The following WTAP variants were observed in gnomAD, a reference collection of about 807,000 sequenced individuals.
The protein encoded by WTAP is pre-mRNA-splicing regulator WTAP.
In WTAP, 8 loss-of-function variants were observed where a neutral mutation model predicts 50.0. The observed-to-expected ratio is 0.16, with a 90% CI of 0.09 to 0.29. The LOEUF (loss-of-function observed/expected upper bound fraction) is 0.29. WTAP is among the 10% of genes least tolerant of loss of function. The probability of loss-of-function intolerance (pLI) is 1.00; values close to 1 mark genes in which losing one functional copy is unlikely to be tolerated. For missense variants in WTAP, 295 were observed against 470.7 expected (o/e 0.63, Z 3.45); for synonymous variants, 194 against 169.0 (o/e 1.15, Z -1.15).
upstream of WTAP, chr6:159,726,693 C>G: frequency 8.8e-7 from 1 of 1,142,122 alleles, no homozygotes; most frequent in Non-Finnish European, 1.1e-6. Context: ...GCAAGGGGCC[C>G]TCAACGCCGC....
intron 6 of WTAP, among the ~76,000 whole-genome samples, chr6:159,750,445 A>C (rs1399010992): frequency 6.6e-6 from 1 of 152,224 alleles, no homozygotes; most frequent in Non-Finnish European, 1.5e-5. Flanking sequence ...GGGGAGATGA[A>C]AAGTGAGTGT....
At position 159,755,765 on chromosome 6, in the gene WTAP, C is replaced by CTT; in HGVS notation, c.*178_*179dup. 0.032 allele frequency: 5,510 copies of CTT among 172,506 alleles called. 44 individuals are homozygous for CTT. The highest frequency in any genetic ancestry group is 0.034 in the Non-Finnish European group (4,836 of 141,088). The allele number at this position is 172,506 out of a possible 1,614,324, so 10.7% of individuals were successfully genotyped here. On this transcript the variant is annotated 3_prime_UTR_variant, in exon 8 of 8. Coordinates refer to ENST00000621533, the MANE Select transcript of WTAP (RefSeq NM_001270531.2). ...TTTTTCTTTGTTTTTTTTTTCTTTT[C>CTT]TTTTTTTTTTTTTTTTTTTTTTTTT...
chr6:159,743,521 G>A (rs1282391069), intron 4 of WTAP, 144 bp from the exon 5 acceptor site: 1 of 711,354 alleles, frequency 1.4e-6, no homozygotes, highest in Non-Finnish European at 2.2e-6. Context: ...TCGTGACCAG[G>A]AAGAAATTCG....
upstream of WTAP, chr6:159,727,039 G>A (rs1039169975): frequency 8.2e-7 from 1 of 1,226,490 alleles, no homozygotes; most frequent in African/African-American, 1.6e-5. Flanking sequence ...AGGTGGCCCC[G>A]GCGAGTACTT....
Position 159,755,636 on chromosome 6 carries a change from AGT to A in WTAP, c.*28_*29del. The A allele has an allele frequency of 6.5e-7, 1 of 1,549,040 alleles. No individual in the cohort carries two copies. Among genetic ancestry groups the A allele is most frequent in the Non-Finnish European group, 8.7e-7 (1 of 1,149,894 alleles). ...ATATTTTTTCAGCAAATTTTTATAC[AGT>A]GTCATTTAATTTGGGAGAGGATACT... On this transcript the variant is annotated 3_prime_UTR_variant, in exon 8 of 8. Coordinates refer to ENST00000621533, the MANE Select transcript of WTAP (RefSeq NM_001270531.2).
chr6:159,739,824 C>CTTTTTTTTTT (rs56389349), intron 3 of WTAP, among the ~76,000 whole-genome samples: 8 of 85,188 alleles, frequency 9.4e-5, no homozygotes, highest in Non-Finnish European at 1.7e-4. Flanking sequence ...CACTTTTTAC[C>CTTTTTTTTTT]TTTTTTTTTT....
intron 1 of WTAP, among the ~76,000 whole-genome samples, chr6:159,728,805 T>C (rs774546890): frequency 4.3e-4 from 65 of 152,230 alleles, no homozygotes; most frequent in Non-Finnish European, 8.8e-4. Context: ...GTAGGTGTGT[T>C]TCTTACAGTG....
At chr6:159,729,750 C>G (rs1449781957) in intron 1 of WTAP, among the ~76,000 whole-genome samples, 1 of 152,192 alleles carries the variant, frequency 6.6e-6, no homozygotes, top group East Asian at 1.9e-4. Flanking sequence ...TCATCAGTAC[C>G]TTGCTACTAC....
At chr6:159,738,934 T>C in intron 2 of WTAP, 56 bp from the exon 3 acceptor site, 2 of 1,350,694 alleles carry the variant, frequency 1.5e-6, no homozygotes, top group Non-Finnish European at 2.1e-6. Context: ...GGTCTCATTA[T>C]AGAACTTTGT....
intron 1 of WTAP, among the ~76,000 whole-genome samples, chr6:159,732,886 AGTGT>A (rs67554039): frequency 7.5e-4 from 110 of 146,488 alleles, no homozygotes; most frequent in African/African-American, 2.1e-3. Flanking sequence ...ATATATATAT[AGTGT>A]GTGTGTGTGT....
chr6:159,729,114 T>C (rs1207006892), intron 1 of WTAP, among the ~76,000 whole-genome samples: 1 of 152,200 alleles, frequency 6.6e-6, no homozygotes, highest in African/African-American at 2.4e-5. Flanking sequence ...GAGATGAGCA[T>C]TGTCACAATT....
At chr6:159,746,390 C>T (rs999227705) in intron 5 of WTAP, among the ~76,000 whole-genome samples, 22 of 152,152 alleles carry the variant, frequency 1.4e-4, no homozygotes, top group African/African-American at 5.1e-4. Flanking sequence ...GGTACCTGTC[C>T]TTTAAAACAG....
intron 6 of WTAP, among the ~76,000 whole-genome samples, chr6:159,752,354 T>G (rs78394643): frequency 0.016 from 2,460 of 152,288 alleles, 73 homozygotes; most frequent in African/African-American, 0.056. Flanking sequence ...ATCATTTCTT[T>G]TTTTTTCTTT....
intron 1 of WTAP, 43 bp from the exon 2 acceptor site, chr6:159,736,215 A>C: frequency 1.3e-6 from 2 of 1,570,754 alleles, no homozygotes; most frequent in Non-Finnish European, 1.7e-6. Flanking sequence ...CTTTCACTGG[A>C]AGAAAATAAA....
At chr6:159,727,196 C>T, upstream of WTAP, 1 of 1,234,138 alleles carries the variant, frequency 8.1e-7, no homozygotes, top group Non-Finnish European at 1.0e-6. Context: ...GGGAGTGTTA[C>T]CGGGGAGCAG....
chr6:159,747,895 G>A (rs201257519), intron 5 of WTAP, among the ~76,000 whole-genome samples: 4 of 108,536 alleles, frequency 3.7e-5, no homozygotes, highest in African/African-American at 9.8e-5. Context: ...ACCTTAAATA[G>A]TTATTTTTTT....
chr6:159,744,765 G>A (rs953902108), intron 5 of WTAP, among the ~76,000 whole-genome samples: 28 of 152,168 alleles, frequency 1.8e-4, no homozygotes, highest in Admixed American at 1.6e-3. Context: ...TCTCATCCAG[G>A]CTGGAGTGCA....
intron 6 of WTAP, among the ~76,000 whole-genome samples, chr6:159,749,693 C>T (rs1049841214): frequency 3.3e-5 from 5 of 152,148 alleles, no homozygotes; most frequent in African/African-American, 1.2e-4. Context: ...CACAGGGTGT[C>T]TGCCAGAAGA....
At chr6:159,731,749 G>A (rs1037066528) in intron 1 of WTAP, among the ~76,000 whole-genome samples, 1 of 152,162 alleles carries the variant, frequency 6.6e-6, no homozygotes, top group African/African-American at 2.4e-5. Flanking sequence ...GGCCCTGGTT[G>A]TGGTAATTCT....
Sources: allele counts gnomAD v4.1 joint callset (sites outside exome capture counted in the v4.1 genomes callset), GRCh38; gene constraint gnomAD v4.1.1; transcripts MANE v1.5; gene names NCBI Gene and HGNC (gene_info 2026-07-23, HGNC 2026-07-21).